The following PRKD2 variants were observed in gnomAD, a reference collection of about 807,000 sequenced individuals.
PRKD2 encodes the protein protein kinase D2, also known as serine/threonine-protein kinase D2.
Under a neutral mutation model 86.0 loss-of-function variants are expected in PRKD2, and 22 were observed. The observed-to-expected ratio is 0.26, with a 90% confidence interval of 0.18 to 0.37. The LOEUF (loss-of-function observed/expected upper bound fraction) is 0.37. Ranked by LOEUF, PRKD2 falls within the 10% of genes least tolerant of loss-of-function variation. PRKD2 has a pLI of 1.00. For missense variants in PRKD2, 818 were observed against 1,199.2 expected (o/e 0.68, Z 4.70); for synonymous variants, 509 against 510.9 (o/e 1.00, Z 0.05).
At chr19:46,708,283 G>A (rs1185369946) in intron 3 of PRKD2, among the ~76,000 whole-genome samples, 1 of 149,638 alleles carries the variant, frequency 6.7e-6, no homozygotes, top group Non-Finnish European at 1.5e-5. Flanking sequence ...AAAGAGTGTG[G>A]CTGTAATCCA....
In PRKD2 at chr19:46,704,306, A is replaced by G. The variant is rs976363809; in HGVS notation, c.752T>C (p.Ile251Thr). Residue 251 changes from isoleucine (I) to threonine (T), a missense_variant, in exon 5 of 18, where the codon ATT becomes ACT. Transcript: ENST00000291281. ...SSASSYTGRP[I>T]ELDKMLLSKV... ...GGAGAGCAGCATCTTGTCCAGCTCA[A>G]TGGGGCGGCCCGTATACGATGAGGC... 2.5e-6 allele frequency: 4 copies of G among 1,614,090 alleles called. No individual in the cohort carries two copies. Among genetic ancestry groups the G allele is most frequent in the African/African-American group, 2.7e-5 (2 of 74,944 alleles).
At position 46,716,070 on chromosome 19, in the gene PRKD2, C is replaced by T. The variant is rs2053877498; in HGVS notation, c.240+61G>A. ...TCCGCACACCAGGCCCCAGACCCCT[C>T]TGCCAGCGCCCCCTCCTTCAACCTC... On this transcript the variant is annotated intron_variant, in intron 1 of 17. Coordinates refer to ENST00000291281, the MANE Select transcript of PRKD2 (RefSeq NM_016457.5). The surrounding 1 kb of genome is among the most constrained non-coding windows in gnomAD (Gnocchi z 7.9). The T allele has an allele frequency of 1.2e-5, 19 of 1,588,150 alleles. No individual in the cohort carries two copies. In the South Asian group the frequency reaches 2.0e-4, roughly 17 times the overall value.
rs774341208 is a variant in PRKD2, at chr19:46,678,683, G to A, written c.2071-20C>T. ...CTTCACCTGCAGAGGGCAAGGGATG[G>A]AGGCTCCACCAGGTGATGGAGCCGC... On this transcript the variant is annotated intron_variant, in intron 15 of 17. Transcript: ENST00000291281. This position sits in a 1 kb window ranked among gnomAD's most constrained non-coding sequence, Gnocchi z 5.7. 5 of 1,595,404 alleles carry A rather than the reference G, an allele frequency of 3.1e-6. No individual in the cohort carries two copies. The South Asian group carries it at 5.5e-5, about 18-fold the overall frequency.
rs2053310555 is a variant in PRKD2, at chr19:46,681,746, G to A, written c.1974C>T (p.Ile658=). The part of the protein sequence containing the change: ...ERLTKFLITQ[I]LVALRHLHFK... ...AGTGAAGGTGTCTCAAAGCCACCAG[G>A]ATCTGAGGGGAGCAGATGGGCCCAG... The change falls in exon 15 of 18, where the codon ATC becomes ATT. Residue 658 remains isoleucine (I), a splice_region_variant and synonymous_variant. Transcript: ENST00000291281. The A allele has an allele frequency of 3.7e-6, 6 of 1,607,964 alleles. No homozygotes were observed. The highest frequency in any genetic ancestry group is 3.3e-4 in the Middle Eastern group (2 of 6,020).
chr19:46,701,446 C>A (rs1196341291), intron 5 of PRKD2, among the ~76,000 whole-genome samples: 2 of 151,554 alleles, frequency 1.3e-5, no homozygotes, highest in Non-Finnish European at 2.9e-5. Context: ...CATGGTAAAA[C>A]CTCGTCTCTA....
At position 46,700,852 on chromosome 19, in the gene PRKD2, C is replaced by T; in HGVS notation, c.1068G>A (p.Glu356=). The change falls in exon 7 of 18, where the codon GAG becomes GAA. Residue 356 remains glutamate (E), a synonymous_variant. Transcript: ENST00000291281. ...CCTCCTCACTGGCGTGGAGCGCATT[C>T]TCTGAGTGGGAGCCAGGGATGACAC... ...DSGVIPGSHS[E]NALHASEEEE... The T allele has an allele frequency of 6.2e-7, 1 of 1,614,262 alleles. No individual in the cohort carries two copies. Among genetic ancestry groups the T allele is most frequent in the Non-Finnish European group, 8.5e-7 (1 of 1,180,050 alleles).
chr19:46,707,144 G>A (rs551375075), intron 3 of PRKD2, among the ~76,000 whole-genome samples: 1 of 152,022 alleles, frequency 6.6e-6, no homozygotes, highest in South Asian at 2.1e-4. Context: ...CGCCCGCCTT[G>A]GCCTCCCAAA....
chr19:46,688,387 GCTAGT>G (rs1182636089), intron 14 of PRKD2, among the ~76,000 whole-genome samples: 1 of 150,950 alleles, frequency 6.6e-6, no homozygotes, highest in Non-Finnish European at 1.5e-5. Flanking sequence ...TATCATTACC[GCTAGT>G]CTATTTTTTT....
intron 14 of PRKD2, chr19:46,688,832 T>A (rs1276583415): frequency 6.6e-6 from 1 of 152,142 alleles, no homozygotes; most frequent in Non-Finnish European, 1.5e-5. Context: ...CAGGCTGGAG[T>A]GCAATGCCTC....
At chr19:46,695,386 G>A (rs1037189267) in intron 9 of PRKD2, among the ~76,000 whole-genome samples, 17 of 152,254 alleles carry the variant, frequency 1.1e-4, no homozygotes, top group African/African-American at 4.1e-4. Context: ...GGGAGGCTGA[G>A]GCAGAAGAAT....
At position 46,716,883 on chromosome 19, in the gene PRKD2, G is replaced by A. The variant is rs2053887548; in HGVS notation, c.-513C>T. 1 of 152,198 alleles carries A rather than the reference G, an allele frequency of 6.6e-6. No homozygotes were observed. 9.4% of individuals were successfully genotyped at this position (152,198 alleles called of 1,614,324 possible). A position where few individuals can be genotyped will look rare whatever the true frequency, so the allele number is the denominator to read the frequency against. On this transcript the variant is annotated 5_prime_UTR_variant, in exon 1 of 18. Transcript: ENST00000291281. The surrounding 1 kb of genome is among the most constrained non-coding windows in gnomAD (Gnocchi z 7.9). Reference sequence around the variant, plus strand: ...GATTCCAGAGATAAAGGGGTTCGCAGGGACCCGACCGGCCAGGGGATGGGC... The same window carrying A: ...GATTCCAGAGATAAAGGGGTTCGCAAGGACCCGACCGGCCAGGGGATGGGC...
intron 16 of PRKD2, among the ~76,000 whole-genome samples, chr19:46,677,742 G>A (rs112850917): frequency 1.8e-3 from 272 of 152,116 alleles, no homozygotes; most frequent in African/African-American, 5.8e-3. Context: ...CCTCAGTCCT[G>A]GCTCCCTTCT....
intron 3 of PRKD2, 82 bp from the exon 4 acceptor site, chr19:46,704,731 A>G (rs1351124299): frequency 6.7e-7 from 1 of 1,498,732 alleles, no homozygotes; most frequent in Non-Finnish European, 8.9e-7. Context: ...CTTTCCACCC[A>G]ATCTCTCACC....
At position 46,700,966 on chromosome 19, in the gene PRKD2, G is replaced by A; in HGVS notation, c.968-14C>T. On this transcript the variant is annotated splice_polypyrimidine_tract_variant and intron_variant, in intron 6 of 17. Transcript: ENST00000291281. ...CCATCGGCACATCTGTGGGGACGGA[G>A]GCATCAGAGGGGTCTCCACCCAGTC... is the stretch of plus-strand genomic sequence containing the variant. 3.7e-6 allele frequency: 6 copies of A among 1,614,188 alleles called. No homozygotes were observed. The highest frequency in any genetic ancestry group is 3.4e-6 in the Non-Finnish European group (4 of 1,179,998).
intron 2 of PRKD2, 45 bp downstream of exon 2, chr19:46,713,818 G>T: frequency 5.8e-6 from 2 of 346,896 alleles, no homozygotes; most frequent in Non-Finnish European, 8.7e-6. Context: ...CAGATGCCCC[G>T]CCCCCACCCG....
rs1280304750 is a variant in PRKD2, at chr19:46,716,516, G to T, written c.-146C>A. On this transcript the variant is annotated 5_prime_UTR_variant, in exon 1 of 18. Coordinates refer to ENST00000291281, the MANE Select transcript of PRKD2 (RefSeq NM_016457.5). This position sits in a 1 kb window ranked among gnomAD's most constrained non-coding sequence, Gnocchi z 7.9. ...GAGAAAAGATCTGGCAGGCGGAGGG[G>T]ACCTGAGGATGGCGGGGTCCTGGGA... 2.0e-6 allele frequency: 1 copy of T among 512,330 alleles called. No homozygotes were observed. Among genetic ancestry groups the T allele is most frequent in the African/African-American group, 2.0e-5 (1 of 49,050 alleles). 31.7% of individuals were successfully genotyped at this position (512,330 alleles called of 1,614,324 possible).
At chr19:46,683,846 T>C (rs1207234315) in intron 14 of PRKD2, among the ~76,000 whole-genome samples, 1 of 152,212 alleles carries the variant, frequency 6.6e-6, no homozygotes, top group East Asian at 1.9e-4. Context: ...TTAGTTATTA[T>C]TTTTGTGATG....
At chr19:46,682,633 T>C (rs2053324627) in intron 14 of PRKD2, among the ~76,000 whole-genome samples, 5 of 151,978 alleles carry the variant, frequency 3.3e-5, no homozygotes, top group Admixed American at 3.3e-4. Flanking sequence ...CAAGATCTTC[T>C]AGCATGTGGT....
intron 3 of PRKD2, among the ~76,000 whole-genome samples, chr19:46,707,358 C>T (rs757819243): frequency 6.6e-6 from 1 of 152,096 alleles, no homozygotes; most frequent in African/African-American, 2.4e-5. Context: ...GTAATCCCAG[C>T]ACTTGGGGAG....
Sources: allele counts gnomAD v4.1 joint callset (sites outside exome capture counted in the v4.1 genomes callset), GRCh38; gene constraint gnomAD v4.1.1; non-coding constraint Gnocchi (gnomAD v3.1); transcripts MANE v1.5; gene names NCBI Gene and HGNC (gene_info 2026-07-23, HGNC 2026-07-21).